MAP2K2: variants seen among roughly 807,000 people sequenced by gnomAD.
MAP2K2 encodes the protein mitogen-activated protein kinase kinase 2, also known as dual specificity mitogen-activated protein kinase kinase 2.
In MAP2K2, 24 loss-of-function variants were observed where a neutral mutation model predicts 43.7. The ratio of observed to expected loss-of-function variants is 0.55; its 90% CI spans 0.40 to 0.77. The LOEUF (loss-of-function observed/expected upper bound fraction) is 0.77, where lower values mean the gene tolerates loss of function less well. MAP2K2 is among the 30% of genes least tolerant of loss of function. MAP2K2 has a pLI of 0.00. For synonymous variants in MAP2K2, 244 were observed against 239.7 expected, an observed-to-expected ratio of 1.02 and a Z score of -0.17; for missense variants, 470 against 566.8, an observed-to-expected ratio of 0.83 and a Z score of 1.73.
At position 4,095,414 on chromosome 19, in the gene MAP2K2, G is replaced by C; in HGVS notation, c.1020C>G (p.Pro340=). ...PPKLPNGVFT[P]DFQEFVNKCL... ...ATTTATTGACAAACTCCTGGAAGTC[G>C]GGGGTGAACACACCGTTGGGCAGCT... The change falls in exon 9 of 11, where the codon CCC becomes CCG. Residue 340 remains proline (P), a synonymous_variant. Coordinates refer to ENST00000262948, the MANE Select transcript of MAP2K2 (RefSeq NM_030662.4). 1 of 1,551,270 alleles carries C rather than the reference G, an allele frequency of 6.4e-7. No individual in the cohort carries two copies. The highest frequency in any genetic ancestry group is 8.7e-7 in the Non-Finnish European group (1 of 1,146,840).
At chr19:4,094,879 G>A (rs879350723) in intron 9 of MAP2K2, 9 of 399,330 alleles carry the variant, frequency 2.3e-5, no homozygotes, top group Non-Finnish European at 3.7e-5. Context: ...GTGCGGTGCC[G>A]TTCCACGGCG....
intron 2 of MAP2K2, among the ~76,000 whole-genome samples, chr19:4,111,679 G>GCT (rs2041154862): frequency 6.6e-6 from 1 of 152,242 alleles, no homozygotes. Context: ...AAGGAGGCCT[G>GCT]GTGTGTGGCT....
intron 3 of MAP2K2, chr19:4,102,872 G>T: frequency 8.5e-7 from 1 of 1,179,774 alleles, no homozygotes; most frequent in Non-Finnish European, 1.1e-6. Context: ...CCAGCGTCTT[G>T]GGCCTGCGTC....
At position 4,115,380 on chromosome 19, in the gene MAP2K2, G is replaced by A. The variant is rs1599305115; in HGVS notation, c.303+2039C>T. ...GAGCTGCTGATACAGCAAGCATTGG[G>A]TTCATGTCCACTGCCCAGCCCATCA... On this transcript the variant is annotated intron_variant, in intron 2 of 10. Transcript: ENST00000262948. This position sits in a 1 kb window ranked among gnomAD's most constrained non-coding sequence, Gnocchi z 4.1. Among the ~76,000 whole-genome samples the A allele has an allele frequency of 6.6e-6, 1 of 152,304 alleles. No homozygotes were observed. The highest frequency in any genetic ancestry group is 6.5e-5 in the Admixed American group (1 of 15,302).
Position 4,099,494 on chromosome 19 carries a change from C to T in MAP2K2, c.706-80G>A. On this transcript the variant is annotated intron_variant, in intron 6 of 10. Transcript: ENST00000262948. ...CCCGGGAGGCTTGCCCCGTTACAGCCCCCGTCACCCTCTCCATGGCTAATG... is the reference window on the plus strand; with the variant it reads ...CCCGGGAGGCTTGCCCCGTTACAGCTCCCGTCACCCTCTCCATGGCTAATG... The T allele has an allele frequency of 2.7e-6, 3 of 1,098,118 alleles. 1 individual carries two copies. Among genetic ancestry groups the T allele is most frequent in the South Asian group, 2.7e-5 (2 of 73,620 alleles). 68.0% of individuals were successfully genotyped at this position (1,098,118 alleles called of 1,614,324 possible). A position where few individuals can be genotyped will look rare whatever the true frequency, so the allele number is the denominator to read the frequency against.
At chr19:4,100,625 G>C in intron 6 of MAP2K2, 1 of 259,422 alleles carries the variant, frequency 3.9e-6, no homozygotes, top group South Asian at 4.4e-5. Flanking sequence ...TGAGCAGCCT[G>C]GGCAATACAG....
At chr19:4,110,766 T>A in intron 2 of MAP2K2, 111 bp from the exon 3 acceptor site, 1 of 1,174,430 alleles carries the variant, frequency 8.5e-7, no homozygotes, top group Non-Finnish European at 1.2e-6. Flanking sequence ...ACCAACTCAG[T>A]ACCCCCTCCG....
intron 2 of MAP2K2, among the ~76,000 whole-genome samples, chr19:4,112,310 G>C (rs1302362947): frequency 6.6e-6 from 1 of 152,250 alleles, no homozygotes; most frequent in South Asian, 2.1e-4. Flanking sequence ...CCACCAAGGA[G>C]AATCAACCCA....
chr19:4,094,128 C>T (rs989758878), intron 10 of MAP2K2, among the ~76,000 whole-genome samples: 6 of 152,206 alleles, frequency 3.9e-5, no homozygotes, highest in African/African-American at 1.4e-4. Flanking sequence ...TGAGAGCTGC[C>T]TCCAGCCTCT....
intron 6 of MAP2K2, chr19:4,099,844 G>A (rs573207707): frequency 1.6e-5 from 4 of 252,206 alleles, no homozygotes; most frequent in Non-Finnish European, 3.1e-5. Flanking sequence ...GGGTGCAGTG[G>A]CCCATGCCTG....
Position 4,096,735 on chromosome 19 carries a change from T to C in MAP2K2, c.984+544A>G, listed in dbSNP as rs552890916. 4.6e-5 allele frequency among the ~76,000 whole-genome samples: 7 copies of C among 152,304 alleles called. No homozygotes were observed. The East Asian group carries it at 1.4e-3, about 29-fold the overall frequency. On this transcript the variant is annotated intron_variant, in intron 8 of 10. Coordinates refer to ENST00000262948, the MANE Select transcript of MAP2K2 (RefSeq NM_030662.4). The stretch of plus-strand genomic sequence containing the variant: ...CACGCCCACGGGCGCCAGGACGCTC[T>C]GATGCAGAGACACTGGGCCACTGCT...
At position 4,101,363 on chromosome 19, in the gene MAP2K2, G is replaced by C. The variant is rs896783132; in HGVS notation, c.529-83C>G. 1 of 1,453,252 alleles carries C rather than the reference G, an allele frequency of 6.9e-7. No homozygotes were observed. Among genetic ancestry groups the C allele is most frequent in the Non-Finnish European group, 9.4e-7 (1 of 1,059,048 alleles). The allele number at this position is 1,453,252 out of a possible 1,614,324, so 90.0% of individuals were successfully genotyped here. A position where few individuals can be genotyped will look rare whatever the true frequency, so the allele number is the denominator to read the frequency against. ...CGAGCCCGGGGGTCAGAGCTGAGCA[G>C]TCAGAGCTGGAGCGAGGGAGCTGCG... On this transcript the variant is annotated intron_variant, in intron 4 of 10. Transcript: ENST00000262948. The surrounding 1 kb of genome is among the most constrained non-coding windows in gnomAD (Gnocchi z 6.3).
chr19:4,103,757 ACACGC>A (rs1416165912), intron 3 of MAP2K2, among the ~76,000 whole-genome samples: 1 of 152,204 alleles, frequency 6.6e-6, no homozygotes, highest in African/African-American at 2.4e-5. Flanking sequence ...AGAAAACCCA[ACACGC>A]TTTGAGACCT....
At chr19:4,108,776 G>A (rs534655537) in intron 3 of MAP2K2, among the ~76,000 whole-genome samples, 1 of 152,140 alleles carries the variant, frequency 6.6e-6, no homozygotes, top group South Asian at 2.1e-4. Flanking sequence ...CACACAAAAC[G>A]AGGATGGACA....
intron 2 of MAP2K2, among the ~76,000 whole-genome samples, chr19:4,117,084 T>TC (rs2047193439): frequency 6.6e-6 from 1 of 152,204 alleles, no homozygotes; most frequent in South Asian, 2.1e-4. Flanking sequence ...CACACACGCT[T>TC]CGTCTTCATC....
intron 6 of MAP2K2, 183 bp downstream of exon 6, chr19:4,100,836 A>C: frequency 1.4e-6 from 1 of 705,668 alleles, no homozygotes; most frequent in Non-Finnish European, 2.4e-6. Flanking sequence ...TGTGCCCACG[A>C]AATAGTTGGG....
intron 10 of MAP2K2, among the ~76,000 whole-genome samples, chr19:4,092,698 G>A (rs2040865630): frequency 6.6e-6 from 1 of 152,030 alleles, no homozygotes; most frequent in Non-Finnish European, 1.5e-5. Flanking sequence ...TGAACTCCTG[G>A]CCTCAGAGAG....
chr19:4,119,791 A>G (rs2041269933), intron 1 of MAP2K2, among the ~76,000 whole-genome samples: 1 of 152,216 alleles, frequency 6.6e-6, no homozygotes, highest in Non-Finnish European at 1.5e-5. Flanking sequence ...CCAATTCAGG[A>G]AGGAGCTAAA....
At position 4,123,769 on chromosome 19, in the gene MAP2K2, C is replaced by G; in HGVS notation, c.92+15G>C. On this transcript the variant is annotated intron_variant, in intron 1 of 10. Coordinates refer to ENST00000262948, the MANE Select transcript of MAP2K2 (RefSeq NM_030662.4). ...CCGTGCACCCCAAGCCTCCGGCTGACCCCTGCCCACTCACTCGGAGGCGCC... is the reference window on the plus strand; with the variant it reads ...CCGTGCACCCCAAGCCTCCGGCTGAGCCCTGCCCACTCACTCGGAGGCGCC... 6.5e-7 allele frequency: 1 copy of G among 1,536,700 alleles called. No homozygotes were observed. The highest frequency in any genetic ancestry group is 8.7e-7 in the Non-Finnish European group (1 of 1,144,438).
Sources: allele counts gnomAD v4.1 joint callset (sites outside exome capture counted in the v4.1 genomes callset), GRCh38; gene constraint gnomAD v4.1.1; non-coding constraint Gnocchi (gnomAD v3.1); transcripts MANE v1.5; gene names NCBI Gene and HGNC (gene_info 2026-07-23, HGNC 2026-07-21).